Variants in SNTG1 observed in about 807,000 individuals in gnomAD.
SNTG1 encodes the protein syntrophin gamma 1.
A neutral mutation model predicts 74.7 loss-of-function variants in SNTG1; 39 were observed. The ratio of observed to expected loss-of-function variants is 0.52; its 90% CI spans 0.40 to 0.68. The LOEUF (loss-of-function observed/expected upper bound fraction) is 0.68. Ranked by LOEUF, SNTG1 falls within the 30% of genes least tolerant of loss-of-function variation. The probability of loss-of-function intolerance (pLI) is 0.00; values close to 1 mark genes in which losing one functional copy is unlikely to be tolerated. For synonymous variants in SNTG1, 254 were observed against 217.1 expected, an observed-to-expected ratio of 1.17 and a Z score of -1.49; for missense variants, 685 against 609.5, an observed-to-expected ratio of 1.12 and a Z score of -1.30.
At position 50,316,498 on chromosome 8, in the gene SNTG1, C is replaced by A. The variant is rs546667131; in HGVS notation, c.-27-77714C>A. 2.0e-5 allele frequency among the ~76,000 whole-genome samples: 3 copies of A among 152,098 alleles called. No homozygotes were observed. In the South Asian group the frequency reaches 6.2e-4, roughly 31 times the overall value. On this transcript the variant is annotated intron_variant, in intron 2 of 18. Transcript: ENST00000642720. The stretch of plus-strand genomic sequence containing the variant: ...AGTTATTGAAACATTCTTTATGTGG[C>A]TTTTTGTTTGGTCACTCTATTATAT...
chr8:50,356,370 G>A (rs1182851524), intron 2 of SNTG1, among the ~76,000 whole-genome samples: 1 of 152,088 alleles, frequency 6.6e-6, no homozygotes, highest in East Asian at 1.9e-4. Flanking sequence ...GACAGAACCA[G>A]GGATTTAGGG....
chr8:50,635,260 C>T (rs548569225), intron 13 of SNTG1, among the ~76,000 whole-genome samples: 1 of 152,108 alleles, frequency 6.6e-6, no homozygotes, highest in Non-Finnish European at 1.5e-5. Context: ...AAAGTGACAA[C>T]TTTAGTTTGG....
At chr8:50,084,304 C>A (rs1455463873) in intron 1 of SNTG1, among the ~76,000 whole-genome samples, 4 of 151,810 alleles carry the variant, frequency 2.6e-5, no homozygotes, top group South Asian at 2.1e-4. Flanking sequence ...TAAAAAAAAA[C>A]ACAAAGATTA....
intron 8 of SNTG1, among the ~76,000 whole-genome samples, chr8:50,460,938 T>C (rs975794073): frequency 2.0e-4 from 31 of 152,152 alleles, no homozygotes; most frequent in African/African-American, 7.0e-4. Context: ...TTATTACTAA[T>C]ATATTACTAG....
intron 1 of SNTG1, among the ~76,000 whole-genome samples, chr8:49,969,842 C>A (rs1386804046): frequency 3.9e-5 from 6 of 151,930 alleles, no homozygotes; most frequent in Non-Finnish European, 7.4e-5. Flanking sequence ...GTTGCTATTT[C>A]TTCTTCACTC....
At chr8:50,772,237 A>C (rs2095629019) in intron 18 of SNTG1, among the ~76,000 whole-genome samples, 1 of 152,144 alleles carries the variant, frequency 6.6e-6, no homozygotes, top group South Asian at 2.1e-4. Context: ...GACACTCAAC[A>C]AAGCCACGGG....
chr8:49,985,424 C>T (rs759842921), intron 1 of SNTG1, among the ~76,000 whole-genome samples: 9 of 146,984 alleles, frequency 6.1e-5, no homozygotes, highest in Admixed American at 2.7e-4. Context: ...GCCACCGCAC[C>T]GAGCCTACAA....
Position 50,795,253 on chromosome 8 carries a change from A to G in SNTG1, c.*2424A>G, listed in dbSNP as rs535991579. The G allele has an allele frequency of 3.3e-5, 5 of 152,138 alleles. No homozygotes were observed. The East Asian group carries it at 9.6e-4, about 29-fold the overall frequency. 9.4% of individuals were successfully genotyped at this position (152,138 alleles called of 1,614,324 possible). A position where few individuals can be genotyped will look rare whatever the true frequency, so the allele number is the denominator to read the frequency against. On this transcript the variant is annotated 3_prime_UTR_variant, in exon 19 of 19. Coordinates refer to ENST00000642720, the MANE Select transcript of SNTG1 (RefSeq NM_018967.5). ...TAAGCCGTGATTTTTATTTAACATG[A>G]TTAGTACAACAGCCAAAAAGTAACA...
intron 4 of SNTG1, among the ~76,000 whole-genome samples, chr8:50,407,545 C>T (rs528461010): frequency 6.6e-6 from 1 of 152,248 alleles, no homozygotes; most frequent in African/African-American, 2.4e-5. Context: ...TTTATATTTT[C>T]AGGTCTATCA....
chr8:50,301,089 C>A (rs544227943), intron 2 of SNTG1, among the ~76,000 whole-genome samples: 2 of 152,178 alleles, frequency 1.3e-5, no homozygotes, highest in Non-Finnish European at 2.9e-5. Flanking sequence ...GTTTATGGAG[C>A]TACCTAGATG....
At chr8:50,216,249 C>T (rs2084787083) in intron 2 of SNTG1, among the ~76,000 whole-genome samples, 1 of 152,168 alleles carries the variant, frequency 6.6e-6, no homozygotes, top group African/African-American at 2.4e-5. Flanking sequence ...TTGCTGATCT[C>T]TTTTCATGTT....
chr8:50,198,924 G>A (rs1174066694), intron 2 of SNTG1, among the ~76,000 whole-genome samples: 1 of 152,156 alleles, frequency 6.6e-6, no homozygotes, highest in African/African-American at 2.4e-5. Context: ...CTTGTTAAAT[G>A]TGATCCTGGT....
chr8:50,128,954 T>A (rs1405491899), intron 1 of SNTG1, among the ~76,000 whole-genome samples: 1 of 152,080 alleles, frequency 6.6e-6, no homozygotes, highest in Admixed American at 6.6e-5. Context: ...GAAATGAAAT[T>A]TCAGATCATG....
chr8:50,652,858 TA>T (rs1351122964), intron 13 of SNTG1, among the ~76,000 whole-genome samples: 1 of 151,818 alleles, frequency 6.6e-6, no homozygotes, highest in Non-Finnish European at 1.5e-5. Flanking sequence ...TTATCAGATA[TA>T]AAAAAATCTA....
intron 18 of SNTG1, among the ~76,000 whole-genome samples, chr8:50,759,938 G>T (rs144578761): frequency 6.6e-6 from 1 of 151,922 alleles, no homozygotes; most frequent in South Asian, 2.1e-4. Flanking sequence ...CTTTGGGCAT[G>T]TGGCCATTTT....
chr8:50,429,333 C>T (rs2093204942), intron 4 of SNTG1, among the ~76,000 whole-genome samples: 1 of 151,988 alleles, frequency 6.6e-6, no homozygotes, highest in African/African-American at 2.4e-5. Context: ...CAGAAATAAA[C>T]AAATTCATAG....
intron 2 of SNTG1, among the ~76,000 whole-genome samples, chr8:50,373,684 A>G (rs2092317441): frequency 6.6e-6 from 1 of 152,220 alleles, no homozygotes; most frequent in African/African-American, 2.4e-5. Flanking sequence ...TTATGGTTAA[A>G]TGTATATTGG....
At chr8:50,505,818 TG>T (rs2094001519) in intron 9 of SNTG1, among the ~76,000 whole-genome samples, 1 of 152,158 alleles carries the variant, frequency 6.6e-6, no homozygotes, top group Admixed American at 6.5e-5. Context: ...TGTTTCACTC[TG>T]TTGATCATTT....
chr8:50,264,940 C>T (rs897075166), intron 2 of SNTG1, among the ~76,000 whole-genome samples: 3 of 151,850 alleles, frequency 2.0e-5, no homozygotes, highest in Admixed American at 1.3e-4. Context: ...TTAAGAAATA[C>T]AAAACTAGAA....
Sources: gnomAD v4.1 joint callset for allele counts (sites outside exome capture counted in the v4.1 genomes callset) on GRCh38, gnomAD v4.1.1 for gene constraint, MANE v1.5 for transcripts, NCBI Gene and HGNC (gene_info 2026-07-23, HGNC 2026-07-21) for gene names.